BICD1: variants seen among roughly 807,000 people sequenced by gnomAD.
The protein encoded by BICD1 is protein bicaudal D homolog 1.
Under a neutral mutation model 92.5 loss-of-function variants are expected in BICD1, and 35 were observed. The observed-to-expected ratio is 0.38, with a 90% confidence interval of 0.29 to 0.50. BICD1 has a LOEUF of 0.50. BICD1 is among the 20% of genes least tolerant of loss of function. BICD1 has a pLI of 0.93. For synonymous variants in BICD1, 429 were observed against 465.1 expected (o/e 0.92, Z 1.00); for missense variants, 950 against 1,189.8 (o/e 0.80, Z 2.97).
chr12:32,290,852 C>A (rs1427398264), intron 2 of BICD1, among the ~76,000 whole-genome samples: 1 of 152,172 alleles, frequency 6.6e-6, no homozygotes, highest in African/African-American at 2.4e-5. Flanking sequence ...TGAGCCCCTT[C>A]TTTTCCCCCC....
chr12:32,314,781 G>A (rs1275161351), intron 4 of BICD1, among the ~76,000 whole-genome samples: 1 of 150,382 alleles, frequency 6.6e-6, no homozygotes, highest in Non-Finnish European at 1.5e-5. Context: ...TTTTAAAAGA[G>A]ATGGGTCTCA....
chr12:32,331,255 T>C (rs896752797), intron 5 of BICD1, among the ~76,000 whole-genome samples: 8 of 152,266 alleles, frequency 5.3e-5, no homozygotes, highest in Non-Finnish European at 1.0e-4. Context: ...TGGGAGGCAG[T>C]AAGTAGGGAT....
intron 4 of BICD1, among the ~76,000 whole-genome samples, chr12:32,312,109 GT>G (rs1948397033): frequency 6.6e-6 from 1 of 152,132 alleles, no homozygotes; most frequent in Admixed American, 6.5e-5. Flanking sequence ...TGAGTGAATT[GT>G]TTTGCTTCTC....
intron 1 of BICD1, among the ~76,000 whole-genome samples, chr12:32,132,261 C>CA (rs1355777821): frequency 1.3e-5 from 2 of 152,030 alleles, no homozygotes; most frequent in African/African-American, 4.8e-5. Flanking sequence ...ACTAAAAATA[C>CA]AAAAATTAGC....
At chr12:32,226,358 T>A (rs896385278) in intron 2 of BICD1, among the ~76,000 whole-genome samples, 1 of 152,222 alleles carries the variant, frequency 6.6e-6, no homozygotes, top group Non-Finnish European at 1.5e-5. Context: ...GGTCTCAAAC[T>A]CCTGACCTCA....
intron 1 of BICD1, among the ~76,000 whole-genome samples, chr12:32,135,251 G>C (rs1041144327): frequency 7.9e-5 from 12 of 151,790 alleles, no homozygotes; most frequent in Non-Finnish European, 1.5e-5. Flanking sequence ...ACCATGCCTG[G>C]CTAATTTTAT....
At position 32,123,536 on chromosome 12, in the gene BICD1, A is replaced by G. The variant is rs141323875; in HGVS notation, c.213+15992A>G. Among the ~76,000 whole-genome samples the G allele has an allele frequency of 3.3e-5, 5 of 152,302 alleles. No individual in the cohort carries two copies. In the East Asian group the frequency reaches 5.8e-4, roughly 18 times the overall value. ...CAGGTGTTTAATAGGTGGTTATGGT[A>G]TTGCACTGATTTAGGCTGGGAAAAA... On this transcript the variant is annotated intron_variant, in intron 1 of 9. Transcript: ENST00000652176.
At chr12:32,212,114 A>T (rs1565590604) in intron 1 of BICD1, among the ~76,000 whole-genome samples, 1 of 152,160 alleles carries the variant, frequency 6.6e-6, no homozygotes, top group Non-Finnish European at 1.5e-5. Context: ...ATACTGGAAT[A>T]TTTCTGTCTC....
intron 2 of BICD1, among the ~76,000 whole-genome samples, chr12:32,217,580 T>C (rs1226511423): frequency 6.6e-6 from 1 of 152,220 alleles, no homozygotes; most frequent in Non-Finnish European, 1.5e-5. Context: ...TATAGCAATA[T>C]GACTTGTGAA....
At chr12:32,150,260 A>G (rs1943251031) in intron 1 of BICD1, among the ~76,000 whole-genome samples, 1 of 152,146 alleles carries the variant, frequency 6.6e-6, no homozygotes, top group African/African-American at 2.4e-5. Context: ...ACCTCTTAAT[A>G]CTATCACATT....
chr12:32,330,990 C>A lies in BICD1; in HGVS notation c.2100+2435C>A, dbSNP rs566950889. On this transcript the variant is annotated intron_variant, in intron 5 of 9. Transcript: ENST00000652176. The stretch of plus-strand genomic sequence containing the variant: ...TCCCTACTAAAAATACAAAATTAAC[C>A]AGGCGTGGTGGCGGGTGCCTGTAAT... 1.4e-4 allele frequency among the ~76,000 whole-genome samples: 22 copies of A among 152,196 alleles called. No individual in the cohort carries two copies. In the South Asian group the frequency reaches 4.6e-3, roughly 32 times the overall value.
intron 1 of BICD1, among the ~76,000 whole-genome samples, chr12:32,211,748 T>TG (rs1945221972): frequency 1.3e-5 from 2 of 150,686 alleles, no homozygotes; most frequent in African/African-American, 4.9e-5. Context: ...ACACAGTTCA[T>TG]GCTAATTTTA....
At chr12:32,142,453 C>CCTATCTAT (rs71065001) in intron 1 of BICD1, among the ~76,000 whole-genome samples, 2,984 of 112,796 alleles carry the variant, frequency 0.026, 60 homozygotes, top group African/African-American at 0.059. Flanking sequence ...ACCTATCTAT[C>CCTATCTAT]CTATCTATCT....
intron 2 of BICD1, among the ~76,000 whole-genome samples, chr12:32,242,561 G>A (rs939215220): frequency 2.6e-5 from 4 of 151,868 alleles, no homozygotes; most frequent in Admixed American, 6.6e-5. Context: ...AAGAAAAATT[G>A]TATTAAGTAC....
chr12:32,334,442 G>A, intron 5 of BICD1, 74 bp from the exon 6 acceptor site: 1 of 1,401,200 alleles, frequency 7.1e-7, no homozygotes, highest in East Asian at 2.5e-5. Context: ...AACATAATAG[G>A]CACAGCATGA....
intron 1 of BICD1, among the ~76,000 whole-genome samples, chr12:32,206,562 C>T (rs992769059): frequency 6.6e-6 from 1 of 152,134 alleles, no homozygotes; most frequent in Non-Finnish European, 1.5e-5. Context: ...GCCGAGATCA[C>T]GCCACTGCAC....
chr12:32,232,381 GT>G (rs986238797), intron 2 of BICD1, among the ~76,000 whole-genome samples: 29 of 152,210 alleles, frequency 1.9e-4, no homozygotes, highest in Non-Finnish European at 3.4e-4. Flanking sequence ...CTGCATAAAT[GT>G]CTTCTTCTGA....
chr12:32,299,023 C>T (rs1251354154), intron 3 of BICD1, among the ~76,000 whole-genome samples: 1 of 152,046 alleles, frequency 6.6e-6, no homozygotes, highest in Non-Finnish European at 1.5e-5. Flanking sequence ...GTCACTGGCT[C>T]AAAGAGCTTG....
intron 4 of BICD1, among the ~76,000 whole-genome samples, chr12:32,310,002 C>T (rs746522159): frequency 4.0e-5 from 6 of 150,464 alleles, no homozygotes; most frequent in Non-Finnish European, 6.0e-5. Flanking sequence ...TGGGAGAGGC[C>T]GCCTTGTGCC....
Sources: gnomAD v4.1 joint callset for allele counts (sites outside exome capture counted in the v4.1 genomes callset) on GRCh38, gnomAD v4.1.1 for gene constraint, MANE v1.5 for transcripts, NCBI Gene and HGNC (gene_info 2026-07-23, HGNC 2026-07-21) for gene names.